The following IGSF11 variants were observed in gnomAD, a reference collection of about 807,000 sequenced individuals.
IGSF11 encodes the protein immunoglobulin superfamily member 11.
IGSF11 carries 22 observed loss-of-function variants against 41.0 expected under a neutral mutation model. That is an observed-to-expected ratio of 0.54 (90% CI 0.38 to 0.77). The LOEUF (loss-of-function observed/expected upper bound fraction) is 0.77, where lower values mean the gene tolerates loss of function less well. Ranked by LOEUF, IGSF11 falls within the 30% of genes least tolerant of loss-of-function variation. IGSF11 has a pLI of 0.00. For missense variants in IGSF11, 444 were observed against 530.8 expected (o/e 0.84, Z 1.61); for synonymous variants, 219 against 201.3 (o/e 1.09, Z -0.74).
intron 1 of IGSF11, among the ~76,000 whole-genome samples, chr3:118,987,605 C>T (rs1160567517): frequency 6.6e-6 from 1 of 152,148 alleles, no homozygotes; most frequent in Non-Finnish European, 1.5e-5. Flanking sequence ...GTTAAAAGGG[C>T]TACGATTCAG....
rs558438440 is a variant in IGSF11 at position 119,077,014 on chromosome 3, C to A, written c.49+28130G>T. On this transcript the variant is annotated intron_variant, in intron 1 of 6. Transcript: ENST00000354673. ...ATTCACAATAGCAAAGACTTGGAAC[C>A]AACCCAAATGTCCACAATGATAGAC... 5.3e-5 allele frequency among the ~76,000 whole-genome samples: 8 copies of A among 152,254 alleles called. No individual in the cohort carries two copies. In the South Asian group the frequency reaches 1.7e-3, roughly 32 times the overall value.
At chr3:119,098,176 A>G (rs2076885887) in intron 1 of IGSF11, among the ~76,000 whole-genome samples, 1 of 151,794 alleles carries the variant, frequency 6.6e-6, no homozygotes, top group Non-Finnish European at 1.5e-5. Context: ...AGGTGTATTA[A>G]AACTGCCTTA....
rs760064917 is a variant in IGSF11 at position 118,928,034 on chromosome 3, TA to T, written c.424+474del. On this transcript the variant is annotated intron_variant, in intron 3 of 6. Coordinates refer to ENST00000393775, the MANE Select transcript of IGSF11 (RefSeq NM_001015887.3). ...CTTCAAACAAGGATACTTGGGGGAGTAAAAGGAGGTATTATTACAATTATGC... is the reference window on the plus strand; with the variant it reads ...CTTCAAACAAGGATACTTGGGGGAGTAAAGGAGGTATTATTACAATTATGC... Among the ~76,000 whole-genome samples the T allele has an allele frequency of 2.4e-4, 36 of 151,736 alleles. 1 individual carries two copies. The highest frequency in any genetic ancestry group is 1.5e-4 in the Non-Finnish European group (10 of 67,964).
At chr3:119,045,501 G>A (rs1004512836) in intron 1 of IGSF11, among the ~76,000 whole-genome samples, 5 of 152,130 alleles carry the variant, frequency 3.3e-5, no homozygotes, top group African/African-American at 7.2e-5. Context: ...CCTACTCCAC[G>A]GAGTCTCGCT....
intron 1 of IGSF11, among the ~76,000 whole-genome samples, chr3:118,935,318 A>ATG (rs1305793826): frequency 1.5e-5 from 2 of 130,060 alleles, no homozygotes; most frequent in African/African-American, 6.2e-5. Context: ...ATATATATAT[A>ATG]TGTATATACA....
At chr3:119,083,504 TCACACACACA>T (rs58353612) in intron 1 of IGSF11, among the ~76,000 whole-genome samples, 147 of 148,602 alleles carry the variant, frequency 9.9e-4, no homozygotes, top group Middle Eastern at 3.4e-3. Flanking sequence ...ACCACAAAGA[TCACACACACA>T]CACACACACA....
chr3:118,995,972 CAG>C (rs1157325696), intron 1 of IGSF11, among the ~76,000 whole-genome samples: 4 of 151,798 alleles, frequency 2.6e-5, no homozygotes, highest in African/African-American at 7.3e-5. Context: ...TTAGTAGAGA[CAG>C]AGTTTCACCA....
intron 1 of IGSF11, among the ~76,000 whole-genome samples, chr3:119,116,763 C>G (rs895476943): frequency 6.6e-6 from 1 of 152,170 alleles, no homozygotes; most frequent in Non-Finnish European, 1.5e-5. Context: ...GCAAATAACA[C>G]CATTATGGTA....
chr3:118,921,187 C>T (rs1941746709), intron 4 of IGSF11, among the ~76,000 whole-genome samples: 1 of 152,180 alleles, frequency 6.6e-6, no homozygotes, highest in South Asian at 2.1e-4. Flanking sequence ...ACAAATTCTG[C>T]AATTTGCTGA....
chr3:118,962,501 T>C (rs956890929), intron 1 of IGSF11, among the ~76,000 whole-genome samples: 9 of 152,204 alleles, frequency 5.9e-5, no homozygotes, highest in East Asian at 1.9e-4. Context: ...AGGTCACTGG[T>C]GGGACCATTT....
chr3:118,902,447 T>TGCCCCCCCCCCCC lies in IGSF11; in HGVS notation c.*72_*73insGGGGGGGGGGGGC. On this transcript the variant is annotated 3_prime_UTR_variant, in exon 7 of 7. Transcript: ENST00000393775. Reference sequence around the variant, plus strand: ...TAAGGAAGTGTTTCTTTCCCAGCACTCCCCACCCCACCCTCCCCCTTGTAT... The same window carrying TGCCCCCCCCCCCC: ...TAAGGAAGTGTTTCTTTCCCAGCACTGCCCCCCCCCCCCCCCCACCCCACCCTCCCCCTTGTAT... The TGCCCCCCCCCCCC allele has an allele frequency of 1.8e-6, 1 of 563,916 alleles. No homozygotes were observed. 34.9% of individuals were successfully genotyped at this position (563,916 alleles called of 1,614,324 possible).
chr3:119,016,185 G>C (rs544740874), intron 1 of IGSF11, among the ~76,000 whole-genome samples: 1 of 152,198 alleles, frequency 6.6e-6, no homozygotes, highest in Non-Finnish European at 1.5e-5. Flanking sequence ...ACTGGGCTGT[G>C]GGGCACAGAA....
chr3:119,063,788 T>C (rs544390480), intron 1 of IGSF11, among the ~76,000 whole-genome samples: 2 of 152,292 alleles, frequency 1.3e-5, no homozygotes, highest in Admixed American at 1.3e-4. Flanking sequence ...GTTCCAACCC[T>C]AGCAAGAAGG....
intron 1 of IGSF11, among the ~76,000 whole-genome samples, chr3:119,128,578 A>T (rs1397814277): frequency 1.3e-5 from 2 of 152,108 alleles, no homozygotes; most frequent in Non-Finnish European, 2.9e-5. Context: ...AATAAAAAGA[A>T]AAAAAAAGCA....
At chr3:118,995,410 T>A (rs185040171) in intron 1 of IGSF11, among the ~76,000 whole-genome samples, 46 of 152,214 alleles carry the variant, frequency 3.0e-4, no homozygotes, top group African/African-American at 1.1e-3. Context: ...CAGCAGAAGA[T>A]GGTGTGGAAA....
chr3:119,098,919 G>GA (rs1559866363), intron 1 of IGSF11, among the ~76,000 whole-genome samples: 1 of 151,454 alleles, frequency 6.6e-6, no homozygotes, highest in Non-Finnish European at 1.5e-5. Flanking sequence ...CATGTTTTCA[G>GA]AAAAAAAGTT....
chr3:118,912,145 G>A (rs1031365896), intron 4 of IGSF11, among the ~76,000 whole-genome samples: 2 of 152,182 alleles, frequency 1.3e-5, no homozygotes, highest in Non-Finnish European at 2.9e-5. Context: ...GCCATTATTT[G>A]CATATAATTT....
At chr3:119,140,137 A>G (rs1294947793) in intron 1 of IGSF11, among the ~76,000 whole-genome samples, 1 of 152,150 alleles carries the variant, frequency 6.6e-6, no homozygotes, top group East Asian at 1.9e-4. Context: ...TAAAACATGT[A>G]TATCCTACTT....
At chr3:119,121,335 C>T (rs1414491946) in intron 1 of IGSF11, among the ~76,000 whole-genome samples, 2 of 152,092 alleles carry the variant, frequency 1.3e-5, no homozygotes, top group Middle Eastern at 3.4e-3. Context: ...GAGACTGTCT[C>T]AACAAATAAA....
Sources: gnomAD v4.1 joint callset for allele counts (sites outside exome capture counted in the v4.1 genomes callset) on GRCh38, gnomAD v4.1.1 for gene constraint, MANE v1.5 for transcripts, NCBI Gene and HGNC (gene_info 2026-07-23, HGNC 2026-07-21) for gene names.